SPOCK3: variants seen among roughly 807,000 people sequenced by gnomAD.
SPOCK3 encodes the protein SPARC (osteonectin), cwcv and kazal like domains proteoglycan 3.
Under a neutral mutation model 56.6 loss-of-function variants are expected in SPOCK3, and 30 were observed. That is an observed-to-expected ratio of 0.53 (90% CI 0.40 to 0.72). SPOCK3 has a LOEUF of 0.72. Ranked by LOEUF, SPOCK3 falls within the 30% of genes least tolerant of loss-of-function variation. The pLI, the probability that SPOCK3 is intolerant of heterozygous loss-of-function variation, is 0.00. For missense variants in SPOCK3, 527 were observed against 530.0 expected (o/e 0.99, Z 0.06); for synonymous variants, 196 against 183.3 (o/e 1.07, Z -0.56).
intron 6 of SPOCK3, among the ~76,000 whole-genome samples, chr4:166,854,354 A>G (rs1236134089): frequency 6.6e-6 from 1 of 152,234 alleles, no homozygotes; most frequent in African/African-American, 2.4e-5. Context: ...AAATACAAAC[A>G]TATTCTATTT....
intron 2 of SPOCK3, among the ~76,000 whole-genome samples, chr4:167,201,667 G>C (rs1471390555): frequency 6.6e-6 from 1 of 151,340 alleles, no homozygotes. Context: ...TATAGCAGAA[G>C]AAGAAATCAC....
chr4:167,193,045 C>T lies in SPOCK3; in HGVS notation c.189+40940G>A, dbSNP rs185647203. Among the ~76,000 whole-genome samples the T allele has an allele frequency of 1.0e-3, 148 of 146,216 alleles. 18 individuals carry two copies. The highest frequency in any genetic ancestry group is 3.6e-3 in the African/African-American group (138 of 38,418). On this transcript the variant is annotated intron_variant, in intron 2 of 10. Transcript: ENST00000357545. ...TATCTTGGAAAATGTTCTGTGTGAGCTTGAGAAGAATGTGTATTCTGCTGC... is the reference window on the plus strand; with the variant it reads ...TATCTTGGAAAATGTTCTGTGTGAGTTTGAGAAGAATGTGTATTCTGCTGC...
chr4:166,846,656 T>C (rs993828619), intron 6 of SPOCK3, among the ~76,000 whole-genome samples: 4 of 152,132 alleles, frequency 2.6e-5, no homozygotes, highest in Non-Finnish European at 5.9e-5. Context: ...ATACCTGAAA[T>C]TGGTATACTG....
intron 6 of SPOCK3, among the ~76,000 whole-genome samples, chr4:166,862,491 C>T (rs1383344209): frequency 2.0e-5 from 3 of 151,902 alleles, no homozygotes; most frequent in Non-Finnish European, 4.4e-5. Context: ...GTTAGTATTG[C>T]TACTAACTTT....
At chr4:166,934,332 A>AT (rs1366529800) in intron 4 of SPOCK3, among the ~76,000 whole-genome samples, 1 of 85,212 alleles carries the variant, frequency 1.2e-5, no homozygotes, top group Admixed American at 1.5e-4. Context: ...TACTAAAAAT[A>AT]CAAAAAAAAA....
intron 4 of SPOCK3, among the ~76,000 whole-genome samples, chr4:166,953,172 C>T (rs1472059651): frequency 1.1e-4 from 16 of 151,208 alleles, no homozygotes; most frequent in African/African-American, 2.2e-4. Context: ...AGAAAATTTT[C>T]GCAACCTACT....
rs374003312 is a variant in SPOCK3 at position 167,058,941 on chromosome 4, C to T, written c.235+3551G>A. On this transcript the variant is annotated intron_variant, in intron 3 of 10. Transcript: ENST00000357545. ...AATAAATGGTGCTGGGAAAACTGGC[C>T]AGCCATATGTAGAAAGCTGAAACTG... Among the ~76,000 whole-genome samples the T allele has an allele frequency of 6.4e-4, 97 of 152,110 alleles. No homozygotes were observed. In the East Asian group the frequency reaches 7.8e-3, roughly 12 times the overall value.
chr4:167,054,896 G>A (rs1013322258), intron 3 of SPOCK3, among the ~76,000 whole-genome samples: 16 of 152,126 alleles, frequency 1.1e-4, no homozygotes, highest in Non-Finnish European at 2.1e-4. Flanking sequence ...GTTTATGTAT[G>A]TATGTATGTA....
chr4:167,123,283 T>C (rs1762009887), intron 2 of SPOCK3, among the ~76,000 whole-genome samples: 1 of 152,166 alleles, frequency 6.6e-6, no homozygotes, highest in African/African-American at 2.4e-5. Context: ...AAATAAATGA[T>C]ATCAGCAGTA....
chr4:167,174,532 G>A (rs1331329013), intron 2 of SPOCK3, among the ~76,000 whole-genome samples: 2 of 152,030 alleles, frequency 1.3e-5, no homozygotes. Flanking sequence ...AGTTGATGAA[G>A]TGCAGCATTC....
intron 5 of SPOCK3, among the ~76,000 whole-genome samples, chr4:166,897,054 G>GT (rs1735467992): frequency 6.6e-6 from 1 of 152,074 alleles, no homozygotes; most frequent in South Asian, 2.1e-4. Context: ...AGATATGACA[G>GT]TTTGTCCTGG....
chr4:167,029,920 T>C (rs1217254763), intron 3 of SPOCK3, among the ~76,000 whole-genome samples: 1 of 152,064 alleles, frequency 6.6e-6, no homozygotes, highest in African/African-American at 2.4e-5. Flanking sequence ...CCTTCTATTA[T>C]TCAAAATGTA....
chr4:167,052,662 T>G (rs1402106654), intron 3 of SPOCK3, among the ~76,000 whole-genome samples: 1 of 152,162 alleles, frequency 6.6e-6, no homozygotes, highest in Non-Finnish European at 1.5e-5. Flanking sequence ...CCCTAAGCTC[T>G]TAAACAAAGC....
At chr4:167,073,021 T>C (rs1313265607) in intron 2 of SPOCK3, among the ~76,000 whole-genome samples, 2 of 151,772 alleles carry the variant, frequency 1.3e-5, no homozygotes, top group Non-Finnish European at 2.9e-5. Context: ...ACAATACCAA[T>C]ATTTCCATAT....
At chr4:167,120,173 C>T (rs1182372369) in intron 2 of SPOCK3, among the ~76,000 whole-genome samples, 1 of 151,938 alleles carries the variant, frequency 6.6e-6, no homozygotes. Flanking sequence ...ACTCTGGATC[C>T]AGGGTTTCTT....
In SPOCK3 at chr4:166,931,301, GCATA is replaced by G. The variant is rs1739731197; in HGVS notation, c.351-18562_351-18559del. On this transcript the variant is annotated intron_variant, in intron 4 of 10. Transcript: ENST00000357545. ...CCGGCCCAGAGGCAATTTTCTATAT[GCATA>G]CAAACACACTACTCTAGGTGTGTGT... Among the ~76,000 whole-genome samples, 8 of 141,168 alleles carry G rather than the reference GCATA, an allele frequency of 5.7e-5. No homozygotes were observed. In the South Asian group the frequency reaches 1.9e-3, roughly 33 times the overall value. The allele number at this position is 141,168 out of a possible 152,430, so 92.6% of individuals were successfully genotyped here.
chr4:167,149,841 GTA>G (rs5863860), intron 2 of SPOCK3, among the ~76,000 whole-genome samples: 148,070 of 148,572 alleles, frequency 1, 73,784 homozygotes, highest in East Asian at 1. Flanking sequence ...ATATATATAT[GTA>G]TATATATATA....
intron 2 of SPOCK3, among the ~76,000 whole-genome samples, chr4:167,161,529 C>G (rs552369180): frequency 1.3e-5 from 2 of 152,144 alleles, no homozygotes; most frequent in African/African-American, 4.8e-5. Flanking sequence ...ACCCAGCCAT[C>G]CCATTACTGG....
At chr4:166,742,249 CT>C (rs370382466) in intron 8 of SPOCK3, among the ~76,000 whole-genome samples, 190 bp from the exon 9 acceptor site, 1 of 98,480 alleles carries the variant, frequency 1.0e-5, no homozygotes, top group Non-Finnish European at 2.3e-5. Flanking sequence ...ATCTATCTAT[CT>C]ATCTATCTAT....
Sources: allele counts gnomAD v4.1 joint callset (sites outside exome capture counted in the v4.1 genomes callset), GRCh38; gene constraint gnomAD v4.1.1; transcripts MANE v1.5; gene names NCBI Gene and HGNC (gene_info 2026-07-23, HGNC 2026-07-21).